RCOR3: variants seen among roughly 807,000 people sequenced by gnomAD.
The protein encoded by RCOR3 is REST corepressor 3.
A neutral mutation model predicts 64.1 loss-of-function variants in RCOR3; 13 were observed. That is an observed-to-expected ratio of 0.20 (90% CI 0.13 to 0.32). The LOEUF is 0.32. RCOR3 is among the 10% of genes least tolerant of loss of function. RCOR3 has a pLI of 1.00. For synonymous variants in RCOR3, 215 were observed against 239.0 expected (o/e 0.90, Z 0.93); for missense variants, 489 against 701.2 (o/e 0.70, Z 3.42).
In RCOR3 at chr1:211,313,913, A is replaced by T. The variant is rs1701730093; in HGVS notation, c.*145A>T. The T allele has an allele frequency of 2.6e-6, 2 of 775,816 alleles. No homozygotes were observed. The highest frequency in any genetic ancestry group is 3.8e-5 in the South Asian group (2 of 52,312). 48.1% of individuals were successfully genotyped at this position (775,816 alleles called of 1,614,324 possible). ...TGTGGCAGTGGACTAGCATAAGTGG[A>T]TGTCTAAGAAATTTTTCAGTTCACT... On this transcript the variant is annotated 3_prime_UTR_variant, in exon 12 of 12. Transcript: ENST00000419091. The surrounding 1 kb of genome is among the most constrained non-coding windows in gnomAD (Gnocchi z 4.7).
chr1:211,267,879 C>T (rs1695469401), intron 2 of RCOR3: 3 of 385,542 alleles, frequency 7.8e-6, no homozygotes, highest in African/African-American at 4.4e-5. Flanking sequence ...AGGTAAGAGC[C>T]ACTGCACCCA....
intron 7 of RCOR3, among the ~76,000 whole-genome samples, chr1:211,288,810 G>A (rs1043132547): frequency 4.0e-5 from 6 of 151,812 alleles, no homozygotes; most frequent in Non-Finnish European, 8.8e-5. Context: ...ATTTTTAGAG[G>A]AACTTTGCAT....
chr1:211,314,894 TCAA>T lies in RCOR3; in HGVS notation c.*1129_*1131del, dbSNP rs1379075439. 1 of 152,208 alleles carries T rather than the reference TCAA, an allele frequency of 6.6e-6. No homozygotes were observed. The allele number at this position is 152,208 out of a possible 1,614,324, so 9.4% of individuals were successfully genotyped here. On this transcript the variant is annotated 3_prime_UTR_variant, in exon 12 of 12. Transcript: ENST00000419091. The stretch of plus-strand genomic sequence containing the variant: ...GTGGGATTGGTGTAGGGTTAAATCA[TCAA>T]CATTATTTCATAAAATAAGAATTTG...
chr1:211,268,006 G>A, intron 2 of RCOR3: 1 of 283,250 alleles, frequency 3.5e-6, no homozygotes. Context: ...AGAATGAGAT[G>A]CAGGGAAATT....
intron 2 of RCOR3, among the ~76,000 whole-genome samples, chr1:211,261,923 C>CAGAAAAAA: frequency 2.9e-5 from 1 of 34,122 alleles, no homozygotes; most frequent in Non-Finnish European, 4.8e-5. Flanking sequence ...GACTCCATCT[C>CAGAAAAAA]AAAAAAAAAA....
chr1:211,284,364 G>A (rs576197795), intron 7 of RCOR3, among the ~76,000 whole-genome samples: 1 of 152,272 alleles, frequency 6.6e-6, no homozygotes, highest in Admixed American at 6.5e-5. Flanking sequence ...ACAGGCGTGA[G>A]CCACTGTGCC....
At chr1:211,304,717 A>G (rs1700697184) in intron 10 of RCOR3, among the ~76,000 whole-genome samples, 2 of 152,194 alleles carry the variant, frequency 1.3e-5, no homozygotes, top group Non-Finnish European at 2.9e-5. Context: ...TCAATGCACT[A>G]TTTCTAAGAA....
intron 2 of RCOR3, among the ~76,000 whole-genome samples, chr1:211,261,729 G>A (rs2102410466): frequency 6.6e-6 from 1 of 151,888 alleles, no homozygotes; most frequent in African/African-American, 2.4e-5. Flanking sequence ...AGACCATCCT[G>A]GCTAACACGG....
At chr1:211,309,875 T>C (rs1211891846) in intron 10 of RCOR3, among the ~76,000 whole-genome samples, 1 of 152,156 alleles carries the variant, frequency 6.6e-6, no homozygotes. Flanking sequence ...AAAGGAGCAG[T>C]CTCATTGAGT....
chr1:211,299,343 T>G (rs1373421174), intron 9 of RCOR3, among the ~76,000 whole-genome samples: 1 of 152,202 alleles, frequency 6.6e-6, no homozygotes, highest in Non-Finnish European at 1.5e-5. Flanking sequence ...CGCTGGCATG[T>G]CTTCTGCTTT....
chr1:211,294,590 T>C (rs78618396), intron 8 of RCOR3, among the ~76,000 whole-genome samples: 3,321 of 136,206 alleles, frequency 0.024, 63 homozygotes, highest in African/African-American at 0.077. Context: ...TTCTTTCTTT[T>C]TTTTTTTTTT....
At chr1:211,288,729 C>G (rs1329113725) in intron 7 of RCOR3, among the ~76,000 whole-genome samples, 1 of 151,822 alleles carries the variant, frequency 6.6e-6, no homozygotes, top group Non-Finnish European at 1.5e-5. Context: ...AATGTTATCT[C>G]TCTTTAACCA....
chr1:211,291,053 A>G (rs898419212), intron 8 of RCOR3, among the ~76,000 whole-genome samples: 6 of 152,108 alleles, frequency 3.9e-5, no homozygotes, highest in Admixed American at 2.0e-4. Context: ...TTAATATTAC[A>G]GTAGTCCTCC....
chr1:211,260,110 G>A lies in RCOR3; in HGVS notation c.169G>A (p.Val57Ile), dbSNP rs544838400. The change falls in exon 2 of 12, where the codon GTT becomes ATT. Residue 57 changes from valine to isoleucine, a missense_variant and splice_region_variant. Physicochemically the swap from Val to Ile is conservative, Grantham distance 29. Transcript: ENST00000419091. ...SGCSSDDEHD[V>I]GMRVGAEYQA... ...TATTTTTTGGCATTGCTTTGCAGAT[G>A]TTGGGATGAGAGTCGGAGCCGAATA... The A allele has an allele frequency of 2.5e-6, 4 of 1,610,624 alleles. No individual in the cohort carries two copies. Among genetic ancestry groups the A allele is most frequent in the Admixed American group, 1.7e-5 (1 of 59,918 alleles).
At chr1:211,297,516 G>A (rs7517135) in intron 9 of RCOR3, among the ~76,000 whole-genome samples, 145,547 of 152,206 alleles carry the variant, frequency 0.96, 69,656 homozygotes, top group East Asian at 1. Context: ...TAGCAAAATT[G>A]TATATTACAT....
chr1:211,301,592 C>G (rs1425014046), intron 9 of RCOR3: 1 of 152,186 alleles, frequency 6.6e-6, no homozygotes, highest in Non-Finnish European at 1.5e-5. Context: ...CCCGTTTTCC[C>G]TTACATGTGG....
intron 9 of RCOR3, among the ~76,000 whole-genome samples, chr1:211,300,071 C>CTTTTTTT (rs11419492): frequency 3.3e-5 from 4 of 121,298 alleles, no homozygotes; most frequent in Non-Finnish European, 6.6e-5. Flanking sequence ...TTCTTTCTTT[C>CTTTTTTT]TTTTTTTTTT....
intron 2 of RCOR3, 53 bp downstream of exon 2, chr1:211,260,217 TG>T: frequency 6.4e-7 from 1 of 1,561,744 alleles, no homozygotes; most frequent in Admixed American, 1.7e-5. Flanking sequence ...GGGCTTGGTT[TG>T]GGGTGGACGG....
intron 3 of RCOR3, among the ~76,000 whole-genome samples, chr1:211,272,510 A>G (rs1178856187): frequency 1.3e-5 from 2 of 149,552 alleles, no homozygotes; most frequent in Non-Finnish European, 3.0e-5. Context: ...CTGGGTGTGC[A>G]TTGGAATCAC....
Sources: gnomAD v4.1 joint callset for allele counts (sites outside exome capture counted in the v4.1 genomes callset) on GRCh38, gnomAD v4.1.1 for gene constraint, Gnocchi (gnomAD v3.1) non-coding constraint, MANE v1.5 for transcripts, NCBI Gene and HGNC (gene_info 2026-07-23, HGNC 2026-07-21) for gene names.